Variants in PARD3B observed in about 807,000 individuals in gnomAD.
PARD3B encodes the protein partitioning defective 3 homolog B.
In PARD3B, 103 loss-of-function variants were observed where a neutral mutation model predicts 130.2. The observed-to-expected ratio is 0.79, with a 90% CI of 0.67 to 0.93. The LOEUF (loss-of-function observed/expected upper bound fraction) is 0.93, where lower values mean the gene tolerates loss of function less well. Among genes scored for constraint, PARD3B ranks in the 40% least tolerant of loss-of-function variants. PARD3B has a pLI of 0.00. For synonymous variants in PARD3B, 583 were observed against 553.2 expected, an observed-to-expected ratio of 1.05 and a Z score of -0.76; for missense variants, 1,609 against 1,499.2, an observed-to-expected ratio of 1.07 and a Z score of -1.21.
chr2:204,636,945 A>C (rs1192655416), intron 1 of PARD3B, among the ~76,000 whole-genome samples: 1 of 152,092 alleles, frequency 6.6e-6, no homozygotes, highest in Non-Finnish European at 1.5e-5. Context: ...TCATTCACCA[A>C]CAATTCTGTC....
chr2:205,125,010 C>T lies in PARD3B; in HGVS notation c.1305+544C>T, dbSNP rs148488215. ...ATTTATTTTTGTCTGAGGACATTAT[C>T]GTCTTGATAATTATATATTGTCCAT... On this transcript the variant is annotated intron_variant, in intron 9 of 22. Coordinates refer to ENST00000406610, the MANE Select transcript of PARD3B (RefSeq NM_001302769.2). This position sits in a 1 kb window ranked among gnomAD's most constrained non-coding sequence, Gnocchi z 4.0. 3.2e-4 allele frequency among the ~76,000 whole-genome samples: 49 copies of T among 152,248 alleles called. No homozygotes were observed. The highest frequency in any genetic ancestry group is 3.4e-3 in the Middle Eastern group (1 of 294).
chr2:204,672,732 G>C (rs1243714109), intron 1 of PARD3B, among the ~76,000 whole-genome samples: 3 of 151,984 alleles, frequency 2.0e-5, no homozygotes, highest in Non-Finnish European at 2.9e-5. Context: ...TCTCTTTCTG[G>C]GCCTTTTGCT....
chr2:205,447,512 G>A (rs1411805491), intron 20 of PARD3B, among the ~76,000 whole-genome samples: 2 of 152,212 alleles, frequency 1.3e-5, no homozygotes, highest in South Asian at 2.1e-4. Flanking sequence ...CGAGTAGCTG[G>A]GATTACCCAT....
chr2:205,340,267 G>A (rs900812026), intron 18 of PARD3B, among the ~76,000 whole-genome samples: 32 of 152,030 alleles, frequency 2.1e-4, no homozygotes, highest in African/African-American at 6.3e-4. Flanking sequence ...TAAAATCTAC[G>A]TAGAACCACA....
intron 2 of PARD3B, among the ~76,000 whole-genome samples, chr2:204,828,697 C>T (rs1312087056): frequency 1.3e-5 from 2 of 152,136 alleles, no homozygotes; most frequent in Non-Finnish European, 2.9e-5. Flanking sequence ...TTCTTTAGTT[C>T]TAATCTGAGG....
chr2:204,826,665 C>CAT (rs1207343047), intron 2 of PARD3B, among the ~76,000 whole-genome samples: 1 of 152,048 alleles, frequency 6.6e-6, no homozygotes, highest in Non-Finnish European at 1.5e-5. Context: ...TTTATTTCCA[C>CAT]ATATATATGT....
At chr2:204,670,081 A>G (rs2036225716) in intron 1 of PARD3B, among the ~76,000 whole-genome samples, 1 of 152,160 alleles carries the variant, frequency 6.6e-6, no homozygotes, top group South Asian at 2.1e-4. Context: ...CAAAAAGACT[A>G]AAAGATCTAA....
intron 15 of PARD3B, among the ~76,000 whole-genome samples, chr2:205,201,534 A>G (rs2036986729): frequency 1.3e-5 from 2 of 152,232 alleles, no homozygotes; most frequent in Non-Finnish European, 2.9e-5. Context: ...TAATATGATT[A>G]TGTCATTAAA....
chr2:205,574,716 A>C (rs1314777866), intron 22 of PARD3B, among the ~76,000 whole-genome samples: 1 of 152,134 alleles, frequency 6.6e-6, no homozygotes, highest in Non-Finnish European at 1.5e-5. Context: ...TCACAGTTAA[A>C]GAGTTCAAAA....
intron 2 of PARD3B, among the ~76,000 whole-genome samples, chr2:204,804,683 A>G (rs974824898): frequency 6.6e-6 from 1 of 152,208 alleles, no homozygotes; most frequent in African/African-American, 2.4e-5. Flanking sequence ...TGTAGAATAC[A>G]CTTTTTCCTC....
At position 204,965,385 on chromosome 2, in the gene PARD3B, G is replaced by A. The variant is rs1691145973; in HGVS notation, c.394+62G>A. 4 of 1,490,516 alleles carry A rather than the reference G, an allele frequency of 2.7e-6. No individual in the cohort carries two copies. The South Asian group carries it at 3.6e-5, about 14-fold the overall frequency. 92.3% of individuals were successfully genotyped at this position (1,490,516 alleles called of 1,614,324 possible). ...TGAAGATCCGTCATCTTGTTGATTA[G>A]GCATTGTTTCTTCTTTGTGACTTTC... On this transcript the variant is annotated intron_variant, in intron 3 of 22. Coordinates refer to ENST00000406610, the MANE Select transcript of PARD3B (RefSeq NM_001302769.2).
intron 18 of PARD3B, among the ~76,000 whole-genome samples, chr2:205,329,994 A>AAAATAAATAAATAAATAAAT (rs199881710): frequency 1.6e-5 from 1 of 63,018 alleles, no homozygotes; most frequent in Non-Finnish European, 3.3e-5. Flanking sequence ...ACGCCGTCTC[A>AAAATAAATAAATAAATAAAT]AAATAAATAA....
In PARD3B at chr2:205,309,501, A is replaced by C. The variant is rs2042301840; in HGVS notation, c.2630+7800A>C. Among the ~76,000 whole-genome samples the C allele has an allele frequency of 6.6e-6, 1 of 152,146 alleles. No homozygotes were observed. The highest frequency in any genetic ancestry group is 1.5e-5 in the Non-Finnish European group (1 of 68,016). On this transcript the variant is annotated intron_variant, in intron 18 of 22. Transcript: ENST00000406610. This position sits in a 1 kb window ranked among gnomAD's most constrained non-coding sequence, Gnocchi z 4.7. The stretch of plus-strand genomic sequence containing the variant: ...CATTTTATTCTAAAATATACTATCT[A>C]TTTTATTTAAACTAGGGGAATTCTA...
intron 20 of PARD3B, among the ~76,000 whole-genome samples, chr2:205,497,663 T>A (rs920446351): frequency 9.2e-5 from 14 of 152,152 alleles, no homozygotes; most frequent in Non-Finnish European, 1.9e-4. Flanking sequence ...CCTATATTTC[T>A]TTAAAATACT....
At chr2:204,876,571 GA>G (rs917283239) in intron 2 of PARD3B, among the ~76,000 whole-genome samples, 1 of 152,130 alleles carries the variant, frequency 6.6e-6, no homozygotes, top group Non-Finnish European at 1.5e-5. Flanking sequence ...TGTACATCTT[GA>G]TTTTTTTGTT....
At chr2:205,367,349 CTCT>C (rs2044647828) in intron 18 of PARD3B, among the ~76,000 whole-genome samples, 1 of 152,116 alleles carries the variant, frequency 6.6e-6, no homozygotes, top group Non-Finnish European at 1.5e-5. Context: ...CTCCATCCTC[CTCT>C]TAAGTGAGGG....
chr2:205,332,054 G>T (rs1045524886), intron 18 of PARD3B, among the ~76,000 whole-genome samples: 9 of 152,028 alleles, frequency 5.9e-5, no homozygotes, highest in Non-Finnish European at 1.3e-4. Flanking sequence ...ACAGTGAGCC[G>T]AAATCGTGCC....
intron 19 of PARD3B, among the ~76,000 whole-genome samples, chr2:205,431,533 T>C (rs1432427098): frequency 6.6e-6 from 1 of 151,796 alleles, no homozygotes; most frequent in Admixed American, 6.6e-5. Context: ...GCAGTGGCGC[T>C]ATCTCTGCTC....
rs1348256357 is a variant in PARD3B at position 204,800,974 on chromosome 2, T to G, written c.222+114692T>G. 6.6e-5 allele frequency among the ~76,000 whole-genome samples: 10 copies of G among 152,342 alleles called. No individual in the cohort carries two copies. In the East Asian group the frequency reaches 1.4e-3, roughly 21 times the overall value. ...CAGTATTTATTAAATAGGGAATCCTTTCCCCATTTCTTGTTTTTATCAGGT... is the reference window on the plus strand; with the variant it reads ...CAGTATTTATTAAATAGGGAATCCTGTCCCCATTTCTTGTTTTTATCAGGT... On this transcript the variant is annotated intron_variant, in intron 2 of 22. Coordinates refer to ENST00000406610, the MANE Select transcript of PARD3B (RefSeq NM_001302769.2).
Sources: gnomAD v4.1 joint callset for allele counts (sites outside exome capture counted in the v4.1 genomes callset) on GRCh38, gnomAD v4.1.1 for gene constraint, Gnocchi (gnomAD v3.1) non-coding constraint, MANE v1.5 for transcripts, NCBI Gene and HGNC (gene_info 2026-07-23, HGNC 2026-07-21) for gene names.